TLE2: variants seen among roughly 807,000 people sequenced by gnomAD.
TLE2 encodes the protein transducin-like enhancer protein 2.
A neutral mutation model predicts 97.2 loss-of-function variants in TLE2; 74 were observed. The ratio of observed to expected loss-of-function variants is 0.76; its 90% CI spans 0.63 to 0.92. The LOEUF (loss-of-function observed/expected upper bound fraction) is 0.92. Ranked by LOEUF, TLE2 falls within the 40% of genes least tolerant of loss-of-function variation. The pLI is 0.00. For synonymous variants in TLE2, 499 were observed against 432.1 expected (o/e 1.15, Z -1.92); for missense variants, 1,038 against 1,008.7 (o/e 1.03, Z -0.39).
Position 3,008,851 on chromosome 19 carries a change from C to G in TLE2, c.1250+18G>C. On this transcript the variant is annotated intron_variant, in intron 14 of 19. Transcript: ENST00000262953. ...CTGGCCCGGGACCCCAGGCAGGGAGCCCCACCCTGGTACTCACGGCTTTCC... is the reference window on the plus strand; with the variant it reads ...CTGGCCCGGGACCCCAGGCAGGGAGGCCCACCCTGGTACTCACGGCTTTCC... The G allele has an allele frequency of 1.3e-6, 2 of 1,538,822 alleles. No individual in the cohort carries two copies. The highest frequency in any genetic ancestry group is 1.8e-6 in the Non-Finnish European group (2 of 1,139,636).
intron 1 of TLE2, among the ~76,000 whole-genome samples, chr19:3,045,524 G>T (rs2090135069): frequency 6.6e-6 from 1 of 152,084 alleles, no homozygotes. Context: ...AAACCAAATG[G>T]TTAAGATCCT....
chr19:3,027,572 T>G (rs1211999921), intron 4 of TLE2, among the ~76,000 whole-genome samples: 1 of 152,224 alleles, frequency 6.6e-6, no homozygotes, highest in African/African-American at 2.4e-5. Flanking sequence ...TGGTGGCCCC[T>G]GCCCACTGCC....
At chr19:3,044,710 G>A (rs551000892) in intron 1 of TLE2, among the ~76,000 whole-genome samples, 12 of 152,186 alleles carry the variant, frequency 7.9e-5, no homozygotes, top group African/African-American at 9.6e-5. Flanking sequence ...GTGAGCCACT[G>A]TGCCTGGCCT....
At chr19:2,998,269 G>A (rs868681886) in intron 19 of TLE2, among the ~76,000 whole-genome samples, 2 of 88,594 alleles carry the variant, frequency 2.3e-5, no homozygotes, top group Admixed American at 1.3e-4. Context: ...GTGTGTGTGT[G>A]TGTGTGTAAT....
chr19:3,002,604 T>C, intron 17 of TLE2, 101 bp from the exon 18 acceptor site: 1 of 1,425,748 alleles, frequency 7.0e-7, no homozygotes, highest in East Asian at 2.5e-5. Flanking sequence ...AGTGGCACAA[T>C]CATGGCTCAC....
chr19:3,002,265 T>A, intron 18 of TLE2, 88 bp downstream of exon 18: 1 of 1,416,344 alleles, frequency 7.1e-7, no homozygotes, highest in Non-Finnish European at 9.5e-7. Context: ...ATAACATTAT[T>A]TGTTATTTAT....
chr19:3,014,550 G>C lies in TLE2; in HGVS notation c.723+20C>G. The C allele has an allele frequency of 2.6e-6, 4 of 1,568,586 alleles. No homozygotes were observed. Among genetic ancestry groups the C allele is most frequent in the Non-Finnish European group, 3.5e-6 (4 of 1,156,132 alleles). ...GCTCTGTGCCCAGAGTCGGGGAAGA[G>C]GCTGGACCCCTGGACTCACCTCGTC... On this transcript the variant is annotated intron_variant, in intron 10 of 19. Transcript: ENST00000262953.
At chr19:3,032,101 T>C (rs11667530), upstream of TLE2, among the ~76,000 whole-genome samples, 28,447 of 151,918 alleles carry the variant, frequency 0.19, 2,824 homozygotes, top group Middle Eastern at 0.25. This position sits in a 1 kb window ranked among gnomAD's most constrained non-coding sequence, Gnocchi z 4.1. Flanking sequence ...CAGCTAATTT[T>C]TTTTGTATTA....
chr19:3,036,147 G>T (rs2049802211), intron 1 of TLE2, among the ~76,000 whole-genome samples: 2 of 152,196 alleles, frequency 1.3e-5, no homozygotes, highest in Admixed American at 1.3e-4. Context: ...TTTACCCCCA[G>T]GTGGGGGGGA....
At chr19:3,026,455 T>TAAAAAAAAAAAA (rs34783402) in intron 4 of TLE2, among the ~76,000 whole-genome samples, 3 of 111,316 alleles carry the variant, frequency 2.7e-5, no homozygotes, top group African/African-American at 6.5e-5. Flanking sequence ...TCTCAAAATT[T>TAAAAAAAAAAAA]AAAAAAAAAA....
At chr19:3,042,988 A>AT (rs920923363) in intron 1 of TLE2, among the ~76,000 whole-genome samples, 1 of 151,848 alleles carries the variant, frequency 6.6e-6, no homozygotes, top group African/African-American at 2.4e-5. Context: ...TAATTAATTT[A>AT]TTTTTTATTT....
chr19:2,999,111 G>A (rs922797485), intron 19 of TLE2, among the ~76,000 whole-genome samples: 11 of 152,030 alleles, frequency 7.2e-5, no homozygotes, highest in East Asian at 1.9e-4. Flanking sequence ...GGGAATCCCC[G>A]TCTCTACTAA....
Position 3,025,084 on chromosome 19 carries a change from T to G in TLE2, c.232-2A>C, listed in dbSNP as rs894741260. 11 of 1,601,148 alleles carry G rather than the reference T, an allele frequency of 6.9e-6. No homozygotes were observed. Among genetic ancestry groups the G allele is most frequent in the Non-Finnish European group, 9.4e-6 (11 of 1,173,928 alleles). On this transcript the variant is annotated splice_acceptor_variant, in intron 4 of 19. Coordinates refer to ENST00000262953, the MANE Select transcript of TLE2 (RefSeq NM_003260.5). LOFTEE classifies it high-confidence loss of function. ...GCTCAGACGCTTCACAATCTCCGCCTGGCAGGAAGCAATGAGAGGAAGCTT... is the reference window on the plus strand; with the variant it reads ...GCTCAGACGCTTCACAATCTCCGCCGGGCAGGAAGCAATGAGAGGAAGCTT...
chr19:2,998,931 C>T (rs2089288302), intron 19 of TLE2, among the ~76,000 whole-genome samples: 1 of 152,222 alleles, frequency 6.6e-6, no homozygotes, highest in African/African-American at 2.4e-5. Context: ...GCCTGGTAAA[C>T]ATTTTAGGCT....
chr19:3,026,390 G>C (rs1252856116), intron 4 of TLE2, among the ~76,000 whole-genome samples: 5 of 149,732 alleles, frequency 3.3e-5, no homozygotes, highest in African/African-American at 1.2e-4. Context: ...AGAGGTTGCA[G>C]TGAGCCAAGA....
At chr19:3,025,443 C>G (rs1411448586) in intron 4 of TLE2, 3 of 1,061,682 alleles carry the variant, frequency 2.8e-6, no homozygotes, top group Non-Finnish European at 3.4e-6. Context: ...TCAGCTGAAA[C>G]AAAGGAAAGG....
intron 18 of TLE2, among the ~76,000 whole-genome samples, chr19:3,002,021 C>T (rs2089374093): frequency 3.3e-5 from 5 of 152,068 alleles, no homozygotes; most frequent in African/African-American, 1.2e-4. Context: ...TTGTCTCGAA[C>T]TCCTGACCTC....
chr19:3,029,415 C>T (rs1220503987), upstream of TLE2: 5 of 778,538 alleles, frequency 6.4e-6, no homozygotes, highest in African/African-American at 1.9e-5. Context: ...CCGCCCCCTT[C>T]CTTCAGTCCC....
upstream of TLE2, among the ~76,000 whole-genome samples, chr19:3,030,270 AG>A (rs1391376671): frequency 1.3e-5 from 2 of 152,216 alleles, no homozygotes; most frequent in African/African-American, 4.8e-5. Context: ...CAGAACTGGA[AG>A]AACCACAGCT....
Sources: allele counts gnomAD v4.1 joint callset (sites outside exome capture counted in the v4.1 genomes callset), GRCh38; gene constraint gnomAD v4.1.1; non-coding constraint Gnocchi (gnomAD v3.1); transcripts MANE v1.5; gene names NCBI Gene and HGNC (gene_info 2026-07-23, HGNC 2026-07-21).